Variants in CPS1 observed in about 807,000 individuals in gnomAD.
CPS1 encodes the protein carbamoyl-phosphate synthase [ammonia], mitochondrial.
Under a neutral mutation model 174.6 loss-of-function variants are expected in CPS1, and 109 were observed. That is an observed-to-expected ratio of 0.62 (90% CI 0.53 to 0.73). The LOEUF (loss-of-function observed/expected upper bound fraction) is 0.73. CPS1 is among the 30% of genes least tolerant of loss of function. The pLI is 0.00. For synonymous variants in CPS1, 637 were observed against 632.0 expected (o/e 1.01, Z -0.12); for missense variants, 1,689 against 1,821.9 (o/e 0.93, Z 1.33).
In CPS1 at chr2:210,600,597, T is replaced by C; in HGVS notation, c.1592T>C (p.Val531Ala). ...FKRGVLKEYG[V>A]KVLGTSVESI... is the part of the protein sequence containing the mutation. ...AGAGGTGTGCTCAAGGAATATGGTG[T>C]GAAAGTCCTGGGAACTTCAGTTGAG... Residue 531 changes from valine to alanine, a missense_variant, in exon 15 of 38, where the codon GTG (valine) becomes GCG (alanine). Val to Ala is a moderately conservative substitution (Grantham distance 64). Coordinates refer to ENST00000233072, the MANE Select transcript of CPS1 (RefSeq NM_001875.5). 1.2e-6 allele frequency: 2 copies of C among 1,612,308 alleles called. No individual in the cohort carries two copies. Among genetic ancestry groups the C allele is most frequent in the Non-Finnish European group, 1.7e-6 (2 of 1,178,898 alleles).
chr2:210,564,867 T>C (rs1316013230), intron 1 of CPS1, among the ~76,000 whole-genome samples: 1 of 151,922 alleles, frequency 6.6e-6, no homozygotes, highest in Non-Finnish European at 1.5e-5. Flanking sequence ...TGGCGCAAAG[T>C]GCCTGTAATC....
intron 2 of CPS1, among the ~76,000 whole-genome samples, chr2:210,575,201 G>C (rs77319288): frequency 0.013 from 2,016 of 152,170 alleles, 37 homozygotes; most frequent in African/African-American, 0.046. Context: ...AGTTCTGGTA[G>C]GCGTTAGTCT....
intron 1 of CPS1, among the ~76,000 whole-genome samples, chr2:210,511,298 G>A (rs893996726): frequency 4.6e-5 from 7 of 151,940 alleles, no homozygotes; most frequent in East Asian, 1.9e-4. Flanking sequence ...ACCAAACACC[G>A]CATGTTCTTA....
At chr2:210,543,332 C>T (rs1422666704) in intron 1 of CPS1, among the ~76,000 whole-genome samples, 2 of 152,038 alleles carry the variant, frequency 1.3e-5, no homozygotes, top group Non-Finnish European at 2.9e-5. Context: ...GCCCTGCCAA[C>T]ACCTACAGGG....
At position 210,668,173 on chromosome 2, in the gene CPS1, T is replaced by A; in HGVS notation, c.4003-13T>A. ...GCATCCTCTATTTTAATTTTTTATT[T>A]ATTTCTAAACAGGTGGCTTGCTTTG... is the stretch of plus-strand genomic sequence containing the variant. On this transcript the variant is annotated splice_polypyrimidine_tract_variant and intron_variant, in intron 33 of 37. Transcript: ENST00000233072. 6.2e-7 allele frequency: 1 copy of A among 1,603,476 alleles called. No homozygotes were observed. Among genetic ancestry groups the A allele is most frequent in the Non-Finnish European group, 8.5e-7 (1 of 1,171,004 alleles).
chr2:210,599,475 C>T lies in CPS1; in HGVS notation c.1463C>T (p.Thr488Ile), dbSNP rs1318904442. 1.2e-6 allele frequency: 2 copies of T among 1,612,564 alleles called. No homozygotes were observed. Among genetic ancestry groups the T allele is most frequent in the South Asian group, 1.1e-5 (1 of 91,062 alleles). The change falls in exon 14 of 38, where the codon ACC becomes ATC. Residue 488 changes from threonine (T) to isoleucine (I), a missense_variant. Physicochemically the swap from Thr to Ile is moderately conservative, Grantham distance 89. Transcript: ENST00000233072. ...QADTVYFLPI[T>I]PQFVTEVIKA... ...GATACTGTCTACTTTCTTCCCATCACCCCTCAGTTTGTCACAGAGGTCATC... is the reference window on the plus strand; with the variant it reads ...GATACTGTCTACTTTCTTCCCATCATCCCTCAGTTTGTCACAGAGGTCATC...
chr2:210,650,086 G>A (rs1326997810), intron 27 of CPS1, among the ~76,000 whole-genome samples: 1 of 152,160 alleles, frequency 6.6e-6, no homozygotes, highest in Non-Finnish European at 1.5e-5. Context: ...GCAAACTTTG[G>A]AGAAGTATAA....
intron 1 of CPS1, among the ~76,000 whole-genome samples, chr2:210,483,324 AC>A (rs1694628112): frequency 1.3e-5 from 2 of 152,196 alleles, no homozygotes; most frequent in Non-Finnish European, 1.5e-5. Flanking sequence ...TGTTTTCAAG[AC>A]TTTACTGTAG....
intron 1 of CPS1, among the ~76,000 whole-genome samples, chr2:210,571,055 G>A (rs1192618275): frequency 6.6e-6 from 1 of 151,894 alleles, no homozygotes; most frequent in Non-Finnish European, 1.5e-5. Flanking sequence ...AACATGCGAA[G>A]CTGATTTCCT....
intron 1 of CPS1, among the ~76,000 whole-genome samples, chr2:210,479,329 CTTTT>C (rs11299389): frequency 8.2e-6 from 1 of 122,408 alleles, no homozygotes; most frequent in Non-Finnish European, 1.7e-5. Context: ...ATCATTCTTT[CTTTT>C]TTTTTTTTTT....
intron 1 of CPS1, among the ~76,000 whole-genome samples, chr2:210,559,685 A>G (rs1156289881): frequency 6.6e-6 from 1 of 152,084 alleles, no homozygotes; most frequent in Non-Finnish European, 1.5e-5. Context: ...TAATAGTGGG[A>G]TATACTCTGG....
intron 33 of CPS1, among the ~76,000 whole-genome samples, chr2:210,665,539 T>C (rs538155459): frequency 2.5e-4 from 37 of 145,658 alleles, no homozygotes; most frequent in African/African-American, 7.5e-4. Flanking sequence ...TGTGTTCCCA[T>C]TGTTCAATTC....
At chr2:210,561,159 A>C (rs909300872) in intron 1 of CPS1, among the ~76,000 whole-genome samples, 27 of 152,284 alleles carry the variant, frequency 1.8e-4, no homozygotes, top group African/African-American at 6.3e-4. Flanking sequence ...GCTTCTTGAC[A>C]TAAAACTCTT....
chr2:210,626,706 G>A (rs539109953), intron 21 of CPS1, among the ~76,000 whole-genome samples: 3 of 152,126 alleles, frequency 2.0e-5, no homozygotes, highest in South Asian at 4.1e-4. Context: ...AATTATTCAC[G>A]TTTTCAAATT....
chr2:210,665,644 A>G (rs1463082218), intron 33 of CPS1, among the ~76,000 whole-genome samples: 1 of 151,836 alleles, frequency 6.6e-6, no homozygotes, highest in Non-Finnish European at 1.5e-5. Context: ...GTCCCTACAA[A>G]GGACATGAAC....
At chr2:210,495,836 T>G (rs1694979148) in intron 1 of CPS1, among the ~76,000 whole-genome samples, 1 of 151,982 alleles carries the variant, frequency 6.6e-6, no homozygotes, top group African/African-American at 2.4e-5. Flanking sequence ...ACTACCTGCT[T>G]GAGGTATATG....
chr2:210,494,282 T>C (rs1460074753), intron 1 of CPS1, among the ~76,000 whole-genome samples: 1 of 152,248 alleles, frequency 6.6e-6, no homozygotes, highest in Non-Finnish European at 1.5e-5. Context: ...CATCATCGCA[T>C]AGATGCAAAC....
At chr2:210,639,613 C>T (rs1178013460) in intron 23 of CPS1, among the ~76,000 whole-genome samples, 14 of 102,926 alleles carry the variant, frequency 1.4e-4, no homozygotes, top group African/African-American at 4.8e-4. Flanking sequence ...AGCGAGACTC[C>T]GTCTCAAAAA....
chr2:210,582,288 C>T (rs371737563), intron 5 of CPS1, among the ~76,000 whole-genome samples: 90 of 152,024 alleles, frequency 5.9e-4, no homozygotes, highest in East Asian at 3.9e-3. Flanking sequence ...AGGTCATATA[C>T]GCTGAGTAGT....
Sources: allele counts gnomAD v4.1 joint callset (sites outside exome capture counted in the v4.1 genomes callset), GRCh38; gene constraint gnomAD v4.1.1; transcripts MANE v1.5; gene names NCBI Gene and HGNC (gene_info 2026-07-23, HGNC 2026-07-21).